PREX2: variants seen among roughly 807,000 people sequenced by gnomAD.
PREX2 encodes phosphatidylinositol 3,4,5-trisphosphate-dependent Rac exchanger 2 protein.
PREX2 carries 107 observed loss-of-function variants against 203.2 expected under a neutral mutation model. That is an observed-to-expected ratio of 0.53 (90% CI 0.45 to 0.62). The LOEUF (loss-of-function observed/expected upper bound fraction) is 0.62, where lower values mean the gene tolerates loss of function less well. Ranked by LOEUF, PREX2 falls within the 20% of genes least tolerant of loss-of-function variation. The pLI is 0.00. For synonymous variants in PREX2, 672 were observed against 663.6 expected (o/e 1.01, Z -0.19); for missense variants, 1,777 against 1,955.9 (o/e 0.91, Z 1.72).
chr8:68,136,060 C>G (rs896616677), intron 32 of PREX2, among the ~76,000 whole-genome samples: 1 of 152,056 alleles, frequency 6.6e-6, no homozygotes, highest in Non-Finnish European at 1.5e-5. Flanking sequence ...TAGTGGTTGC[C>G]TACAGCTGAT....
At chr8:68,199,581 AAACAACT>A (rs1215796799) in intron 37 of PREX2, among the ~76,000 whole-genome samples, 2 of 152,226 alleles carry the variant, frequency 1.3e-5, no homozygotes, top group East Asian at 3.9e-4. Flanking sequence ...GAAAATATAA[AAACAACT>A]AACAAGAAAT....
At chr8:67,976,461 AG>A (rs1806091448) in intron 1 of PREX2, among the ~76,000 whole-genome samples, 3 of 147,630 alleles carry the variant, frequency 2.0e-5, no homozygotes, top group Non-Finnish European at 4.5e-5. Context: ...AGAGAGAGAG[AG>A]AGACAGAGAC....
intron 20 of PREX2, among the ~76,000 whole-genome samples, chr8:68,091,671 G>A (rs1360200848): frequency 6.6e-6 from 1 of 152,204 alleles, no homozygotes; most frequent in Admixed American, 6.5e-5. Context: ...TACTCTGGTT[G>A]ATAGAAGCTT....
At chr8:68,106,718 T>G (rs1032925771) in intron 23 of PREX2, among the ~76,000 whole-genome samples, 1 of 152,176 alleles carries the variant, frequency 6.6e-6, no homozygotes, top group African/African-American at 2.4e-5. Flanking sequence ...CTAGAAAAGT[T>G]AGATAATGAC....
chr8:68,001,501 G>T (rs1563493840), intron 1 of PREX2, among the ~76,000 whole-genome samples: 2 of 152,162 alleles, frequency 1.3e-5, no homozygotes, highest in Non-Finnish European at 2.9e-5. Flanking sequence ...TGGTGGGAGT[G>T]TGAATTAGTT....
At chr8:67,976,511 G>C (rs1332124842) in intron 1 of PREX2, among the ~76,000 whole-genome samples, 1 of 93,366 alleles carries the variant, frequency 1.1e-5, no homozygotes, top group Admixed American at 1.3e-4. Flanking sequence ...GAGAGGGACA[G>C]ACAGAGACAG....
chr8:68,151,208 C>T (rs544407084), intron 34 of PREX2, among the ~76,000 whole-genome samples: 10 of 151,920 alleles, frequency 6.6e-5, no homozygotes, highest in Admixed American at 6.6e-5. Flanking sequence ...ATCACTTGAG[C>T]GCAGGAACTT....
chr8:68,188,692 T>C (rs1327179519), intron 35 of PREX2, among the ~76,000 whole-genome samples: 1 of 152,136 alleles, frequency 6.6e-6, no homozygotes, highest in Non-Finnish European at 1.5e-5. Context: ...AGGGGAACTC[T>C]CATATACAAA....
At chr8:68,119,399 G>C in intron 27 of PREX2, 33 bp from the exon 28 acceptor site, 3 of 1,421,752 alleles carry the variant, frequency 2.1e-6, no homozygotes, top group Non-Finnish European at 3.0e-6. Flanking sequence ...GAGTGATTTT[G>C]GTTTTTGGTT....
rs901857351 is a variant in PREX2, at chr8:68,157,352, G to A, written c.4262G>A (p.Arg1421Lys). The change falls in exon 35 of 40, where the codon AGA becomes AAA. Residue 1421 changes from arginine to lysine, a missense_variant. Arg to Lys is a conservative substitution (Grantham distance 26). Coordinates refer to ENST00000288368, the MANE Select transcript of PREX2 (RefSeq NM_024870.4). ...GAGAGCATGGAAGGATATTATTACA[G>A]AGACAATGTTTCTGTGGAAGAATTT... ...ALESMEGYYY[R>K]DNVSVEEFQA... 6.2e-7 allele frequency: 1 copy of A among 1,611,180 alleles called. No individual in the cohort carries two copies.
intron 1 of PREX2, among the ~76,000 whole-genome samples, chr8:68,017,642 C>G (rs1026259769): frequency 6.6e-6 from 1 of 152,174 alleles, no homozygotes; most frequent in African/African-American, 2.4e-5. Flanking sequence ...ATTTCTGGCT[C>G]TACCCCAACA....
chr8:68,140,917 G>A (rs1811216927), intron 33 of PREX2, among the ~76,000 whole-genome samples: 1 of 152,060 alleles, frequency 6.6e-6, no homozygotes, highest in Admixed American at 6.6e-5. Context: ...AAGAATTATG[G>A]CATGCCAAGC....
Position 68,234,507 on chromosome 8 carries a change from T to C in PREX2, c.*3129T>C, listed in dbSNP as rs140773819. On this transcript the variant is annotated 3_prime_UTR_variant, in exon 40 of 40. Transcript: ENST00000288368. ...CTCCTATAATTTTTTCTAATATTAA[T>C]TCCAAATATTACAAAATTTAATGTG... 4.7e-4 allele frequency: 72 copies of C among 152,280 alleles called. No homozygotes were observed. The highest frequency in any genetic ancestry group is 1.7e-3 in the African/African-American group (69 of 41,566). The allele number at this position is 152,280 out of a possible 1,614,324, so 9.4% of individuals were successfully genotyped here.
At chr8:68,198,357 T>C (rs1017456745) in intron 37 of PREX2, among the ~76,000 whole-genome samples, 1 of 152,260 alleles carries the variant, frequency 6.6e-6, no homozygotes, top group Non-Finnish European at 1.5e-5. Context: ...GCAGAGTTAC[T>C]TTTTGCCAAA....
intron 22 of PREX2, among the ~76,000 whole-genome samples, chr8:68,098,976 ATC>A (rs1554577023): frequency 3.9e-5 from 5 of 129,778 alleles, no homozygotes; most frequent in Non-Finnish European, 8.2e-5. Context: ...ATATATATAT[ATC>A]TCACATAATT....
intron 17 of PREX2, among the ~76,000 whole-genome samples, chr8:68,081,935 G>GATCT (rs1282993263): frequency 1.3e-5 from 2 of 151,352 alleles, no homozygotes; most frequent in Admixed American, 6.6e-5. Flanking sequence ...GACCTTAAGT[G>GATCT]ATCTGCCCAC....
At chr8:68,198,483 T>G (rs1812442571) in intron 37 of PREX2, among the ~76,000 whole-genome samples, 1 of 152,256 alleles carries the variant, frequency 6.6e-6, no homozygotes, top group Admixed American at 6.5e-5. Context: ...TCTAAATTTC[T>G]TTTATTTCTT....
intron 38 of PREX2, among the ~76,000 whole-genome samples, chr8:68,220,866 T>A (rs537816535): frequency 6.6e-6 from 1 of 152,148 alleles, no homozygotes; most frequent in Non-Finnish European, 1.5e-5. Flanking sequence ...ACAGAACAAG[T>A]TTTTGTTTTG....
At chr8:67,980,734 A>G (rs754015045) in intron 1 of PREX2, among the ~76,000 whole-genome samples, 5 of 152,112 alleles carry the variant, frequency 3.3e-5, no homozygotes, top group Non-Finnish European at 7.4e-5. Context: ...ACTAGATCTG[A>G]TGGTTTATAA....
Sources: allele counts gnomAD v4.1 joint callset (sites outside exome capture counted in the v4.1 genomes callset), GRCh38; gene constraint gnomAD v4.1.1; transcripts MANE v1.5; gene names NCBI Gene and HGNC (gene_info 2026-07-23, HGNC 2026-07-21).